CCDC171: variants seen among roughly 807,000 people sequenced by gnomAD.
The protein encoded by CCDC171 is coiled-coil domain-containing protein 171.
CCDC171 carries 177 observed loss-of-function variants against 168.2 expected under a neutral mutation model. That is an observed-to-expected ratio of 1.05 (90% confidence interval 0.93 to 1.19). The LOEUF (loss-of-function observed/expected upper bound fraction) is 1.19. CCDC171 is among the 50% of genes most tolerant of loss of function. CCDC171 has a pLI of 0.00. For missense variants in CCDC171, 1,991 were observed against 1,539.0 expected (o/e 1.29, Z -4.91); for synonymous variants, 687 against 540.8 (o/e 1.27, Z -3.75).
chr9:16,068,888 C>A, the CCDC171 span, among the ~76,000 whole-genome samples: 2 of 152,108 alleles, frequency 1.3e-5, no homozygotes, highest in Non-Finnish European at 2.9e-5. Flanking sequence ...CTGGAGGGGT[C>A]CCGCCTGCCT....
intron 25 of CCDC171, among the ~76,000 whole-genome samples, 166 bp from the exon 26 acceptor site, chr9:15,971,443 A>G (rs1831345850): frequency 6.6e-6 from 1 of 152,202 alleles, no homozygotes; most frequent in Non-Finnish European, 1.5e-5. Flanking sequence ...CACACTTGAT[A>G]AATAATTTAC....
rs536953635 is a variant in CCDC171, at chr9:15,673,784, G to A, written c.1077-4974G>A. 6.6e-5 allele frequency among the ~76,000 whole-genome samples: 10 copies of A among 152,252 alleles called. No individual in the cohort carries two copies. The South Asian group carries it at 1.0e-3, about 16-fold the overall frequency. ...AATGAGGATTTTCGCATCGATGTTC[G>A]TCAGTGATATTGGTCTAAAATTCTC... is the stretch of plus-strand genomic sequence containing the variant. On this transcript the variant is annotated intron_variant, in intron 9 of 25. Transcript: ENST00000380701.
At chr9:15,750,853 C>G (rs1363091319) in intron 18 of CCDC171, among the ~76,000 whole-genome samples, 2 of 152,172 alleles carry the variant, frequency 1.3e-5, no homozygotes, top group African/African-American at 4.8e-5. Context: ...GAAGCATTCC[C>G]TTTGAAAAAC....
chr9:15,751,314 T>C (rs566834941), intron 18 of CCDC171, among the ~76,000 whole-genome samples: 1 of 152,310 alleles, frequency 6.6e-6, no homozygotes, highest in African/African-American at 2.4e-5. Flanking sequence ...TGCTCATGGA[T>C]AGGAAGAATC....
At chr9:15,603,843 G>A (rs988894733) in intron 6 of CCDC171, among the ~76,000 whole-genome samples, 3 of 152,142 alleles carry the variant, frequency 2.0e-5, no homozygotes, top group African/African-American at 7.2e-5. Flanking sequence ...CTTCCACAAT[G>A]GTTGAAGTAA....
chr9:15,784,739 T>A, intron 21 of CCDC171, 45 bp downstream of exon 21: 3 of 1,408,282 alleles, frequency 2.1e-6, no homozygotes, highest in Non-Finnish European at 3.0e-6. Context: ...ATTTTATCTA[T>A]GTGTGGATCT....
At chr9:15,625,768 T>G (rs2045029854) in intron 7 of CCDC171, among the ~76,000 whole-genome samples, 1 of 152,232 alleles carries the variant, frequency 6.6e-6, no homozygotes, top group African/African-American at 2.4e-5. Context: ...CCAGCTTTGT[T>G]CTTTTTGCTT....
chr9:15,799,994 A>G (rs1316962212), intron 21 of CCDC171, among the ~76,000 whole-genome samples: 1 of 152,106 alleles, frequency 6.6e-6, no homozygotes, highest in African/African-American at 2.4e-5. Context: ...ATTGTGTATA[A>G]GTACCACATT....
rs569800151 is a variant in CCDC171 at position 16,000,944 on chromosome 9, T to A, written n.369-19645T>A. On this transcript the variant is annotated intron_variant and non_coding_transcript_variant, in intron 3 of 9. Transcript: ENST00000486641. ...GATGGAGTGGAGTGGGAAGGGAGGA[T>A]CATCAGAGTCCAGTGTTTTGTCCTT... is the stretch of plus-strand genomic sequence containing the variant. Among the ~76,000 whole-genome samples the A allele has an allele frequency of 1.4e-3, 210 of 152,136 alleles. 1 individual carries two copies. Among genetic ancestry groups the A allele is most frequent in the African/African-American group, 5.0e-3 (206 of 41,504 alleles).
intron 18 of CCDC171, among the ~76,000 whole-genome samples, chr9:15,755,505 T>A (rs187989847): frequency 5.7e-4 from 87 of 152,216 alleles, no homozygotes; most frequent in African/African-American, 2.0e-3. Context: ...TTGGATACAT[T>A]TGCAAATGTT....
intron 25 of CCDC171, among the ~76,000 whole-genome samples, chr9:15,927,276 C>A (rs906712270): frequency 1.3e-5 from 2 of 151,678 alleles, no homozygotes; most frequent in East Asian, 1.9e-4. Context: ...TGCTCCAGAG[C>A]TTTTATCTTG....
At chr9:15,934,511 C>G (rs909056971) in intron 25 of CCDC171, among the ~76,000 whole-genome samples, 5 of 151,734 alleles carry the variant, frequency 3.3e-5, no homozygotes, top group Non-Finnish European at 7.4e-5. Context: ...AGGAAGATAA[C>G]AAGCATTGCA....
At chr9:15,673,834 C>G (rs2049308958) in intron 9 of CCDC171, among the ~76,000 whole-genome samples, 2 of 152,226 alleles carry the variant, frequency 1.3e-5, no homozygotes, top group South Asian at 4.1e-4. Flanking sequence ...CTCTGCCAGG[C>G]TTTGGCATCT....
intron 7 of CCDC171, among the ~76,000 whole-genome samples, chr9:15,651,590 A>C (rs1211391875): frequency 6.6e-6 from 1 of 152,112 alleles, no homozygotes; most frequent in Non-Finnish European, 1.5e-5. Flanking sequence ...CATACGAGTG[A>C]GAACGTGCGA....
chr9:15,594,278 A>G, intron 6 of CCDC171, 106 bp downstream of exon 6: 2 of 676,052 alleles, frequency 3.0e-6, no homozygotes, highest in African/African-American at 1.9e-5. Context: ...AATAATTTCT[A>G]GTTTTGATTC....
At chr9:15,907,253 A>C (rs1822811373) in intron 24 of CCDC171, among the ~76,000 whole-genome samples, 1 of 152,220 alleles carries the variant, frequency 6.6e-6, no homozygotes, top group Non-Finnish European at 1.5e-5. Context: ...CCTGACTTCA[A>C]ACTATACTAC....
At chr9:15,570,752 G>C (rs2040159836) in intron 2 of CCDC171, among the ~76,000 whole-genome samples, 1 of 152,194 alleles carries the variant, frequency 6.6e-6, no homozygotes, top group South Asian at 2.1e-4. Context: ...ATTCTGGCAA[G>C]ACAAGTAGTG....
Position 15,971,958 on chromosome 9 carries a change from G to A in CCDC171, c.*122G>A, listed in dbSNP as rs1831405264. The A allele has an allele frequency of 1.2e-6, 1 of 807,124 alleles. No individual in the cohort carries two copies. Among genetic ancestry groups the A allele is most frequent in the African/African-American group, 1.7e-5 (1 of 58,026 alleles). The allele number at this position is 807,124 out of a possible 1,614,324, so 50.0% of individuals were successfully genotyped here. A position where few individuals can be genotyped will look rare whatever the true frequency, so the allele number is the denominator to read the frequency against. On this transcript the variant is annotated 3_prime_UTR_variant, in exon 26 of 26. Transcript: ENST00000380701. Reference sequence around the variant, plus strand: ...GTGGCAGTGGATTTAAAAAATTTGTGCGCTATCTTGATGTATTCTGGTAGC... The same window carrying A: ...GTGGCAGTGGATTTAAAAAATTTGTACGCTATCTTGATGTATTCTGGTAGC...
At chr9:15,942,390 G>A (rs1333055132) in intron 25 of CCDC171, among the ~76,000 whole-genome samples, 3 of 151,812 alleles carry the variant, frequency 2.0e-5, no homozygotes, top group Non-Finnish European at 2.9e-5. Context: ...AGGTCGTCTG[G>A]TATGTCAGAT....
Sources: gnomAD v4.1 joint callset for allele counts (sites outside exome capture counted in the v4.1 genomes callset) on GRCh38, gnomAD v4.1.1 for gene constraint, MANE v1.5 for transcripts, NCBI Gene and HGNC (gene_info 2026-07-23, HGNC 2026-07-21) for gene names.